FERMT2: variants seen among roughly 807,000 people sequenced by gnomAD.
FERMT2 encodes FERM domain containing kindlin 2.
Under a neutral mutation model 82.7 loss-of-function variants are expected in FERMT2, and 15 were observed. The ratio of observed to expected loss-of-function variants is 0.18; its 90% CI spans 0.12 to 0.28. The LOEUF (loss-of-function observed/expected upper bound fraction) is 0.28. Among genes scored for constraint, FERMT2 ranks in the 10% least tolerant of loss-of-function variants. The pLI is 1.00. For synonymous variants in FERMT2, 274 were observed against 271.5 expected, an observed-to-expected ratio of 1.01 and a Z score of -0.09; for missense variants, 645 against 809.4, an observed-to-expected ratio of 0.80 and a Z score of 2.46.
intron 3 of FERMT2, 36 bp downstream of exon 3, chr14:52,919,087 A>C: frequency 7.9e-6 from 11 of 1,400,202 alleles, no homozygotes; most frequent in Non-Finnish European, 1.1e-5. Flanking sequence ...TACATCACAT[A>C]ACTCGTATTT....
intron 2 of FERMT2, among the ~76,000 whole-genome samples, chr14:52,929,482 C>T (rs1889464553): frequency 6.6e-6 from 1 of 152,154 alleles, no homozygotes; most frequent in Non-Finnish European, 1.5e-5. Context: ...ATCCAAATGC[C>T]GTATCAGGTC....
At chr14:52,859,984 A>G in intron 13 of FERMT2, 1 of 262,582 alleles carries the variant, frequency 3.8e-6, no homozygotes, top group East Asian at 7.7e-5. Context: ...TGCCCCACTA[A>G]TTTTTTGTAT....
At chr14:52,889,719 C>T (rs1886821004) in intron 4 of FERMT2, among the ~76,000 whole-genome samples, 1 of 152,116 alleles carries the variant, frequency 6.6e-6, no homozygotes, top group Non-Finnish European at 1.5e-5. Context: ...TAGTCTATTG[C>T]TCCCAGGCTA....
At chr14:52,880,901 T>C in intron 6 of FERMT2, 135 bp downstream of exon 6, 1 of 563,818 alleles carries the variant, frequency 1.8e-6, no homozygotes, top group East Asian at 3.0e-5. Flanking sequence ...GCCTAAAAGT[T>C]TGGGTTTTTA....
chr14:52,914,835 A>C (rs974762339), intron 3 of FERMT2, among the ~76,000 whole-genome samples: 5 of 152,142 alleles, frequency 3.3e-5, no homozygotes, highest in African/African-American at 1.2e-4. Context: ...CAGAAGAAGT[A>C]CTTGAATCCA....
intron 10 of FERMT2, among the ~76,000 whole-genome samples, chr14:52,867,259 TTC>T (rs1885343858): frequency 6.6e-6 from 1 of 152,088 alleles, no homozygotes; most frequent in Non-Finnish European, 1.5e-5. Context: ...TCTTATTTAC[TTC>T]TCAGTGACTG....
intron 8 of FERMT2, among the ~76,000 whole-genome samples, chr14:52,874,612 C>T (rs999068248): frequency 6.6e-6 from 1 of 152,072 alleles, no homozygotes; most frequent in Non-Finnish European, 1.5e-5. Context: ...ACAATTTTCC[C>T]GAGATCTATT....
rs759376440 is a variant in FERMT2, at chr14:52,858,559, A to C, written c.1870-9T>G. 31 of 1,613,588 alleles carry C rather than the reference A, an allele frequency of 1.9e-5. No individual in the cohort carries two copies. The highest frequency in any genetic ancestry group is 2.5e-5 in the Non-Finnish European group (29 of 1,179,754). ...GCAAACTCTACGGTGACCTGGAACAAAGACAAGAGCCATCAGTGCTGTCCC... is the reference window on the plus strand; with the variant it reads ...GCAAACTCTACGGTGACCTGGAACACAGACAAGAGCCATCAGTGCTGTCCC... On this transcript the variant is annotated splice_polypyrimidine_tract_variant and intron_variant, in intron 14 of 14. Coordinates refer to ENST00000341590, the MANE Select transcript of FERMT2 (RefSeq NM_006832.3).
intron 10 of FERMT2, among the ~76,000 whole-genome samples, chr14:52,872,433 C>T (rs1377392862): frequency 1.3e-5 from 2 of 152,058 alleles, no homozygotes; most frequent in African/African-American, 2.4e-5. Context: ...AGTGGGGAGA[C>T]TGAGGCAAGA....
chr14:52,937,075 T>C (rs748981253), intron 2 of FERMT2, among the ~76,000 whole-genome samples: 13 of 152,164 alleles, frequency 8.5e-5, no homozygotes, highest in East Asian at 1.9e-4. Flanking sequence ...GGCACGAGAA[T>C]TGCTTGAACC....
At chr14:52,905,306 C>A (rs1489821374) in intron 3 of FERMT2, among the ~76,000 whole-genome samples, 1 of 151,704 alleles carries the variant, frequency 6.6e-6, no homozygotes, top group Non-Finnish European at 1.5e-5. Context: ...AAGCCAGAAA[C>A]AGTAAACGAG....
At chr14:52,927,047 T>C (rs1256804270) in intron 2 of FERMT2, among the ~76,000 whole-genome samples, 7 of 152,128 alleles carry the variant, frequency 4.6e-5, no homozygotes, top group Non-Finnish European at 8.8e-5. Context: ...ACATTGCAAA[T>C]TGCTACAACA....
At chr14:52,859,272 T>C in intron 14 of FERMT2, 1 of 248,564 alleles carries the variant, frequency 4.0e-6, no homozygotes, top group Non-Finnish European at 7.7e-6. Context: ...AAGTATCATG[T>C]CTGGCACAGG....
intron 2 of FERMT2, among the ~76,000 whole-genome samples, chr14:52,921,248 T>C (rs1888940798): frequency 6.6e-6 from 1 of 152,200 alleles, no homozygotes; most frequent in Non-Finnish European, 1.5e-5. Flanking sequence ...AAAAAGACTT[T>C]CAATTCTCCA....
intron 2 of FERMT2, among the ~76,000 whole-genome samples, chr14:52,930,690 GTTTCT>G (rs1309092246): frequency 6.6e-6 from 1 of 152,060 alleles, no homozygotes; most frequent in Non-Finnish European, 1.5e-5. Flanking sequence ...TTAGGCCTGG[GTTTCT>G]TTTCTTTACT....
chr14:52,926,637 ATTT>A (rs1160229051), intron 2 of FERMT2, among the ~76,000 whole-genome samples: 2 of 152,020 alleles, frequency 1.3e-5, no homozygotes, highest in African/African-American at 4.8e-5. Flanking sequence ...TATATCTTAT[ATTT>A]TAAATTTTGA....
At chr14:52,886,705 CTA>C (rs1362832211) in intron 4 of FERMT2, among the ~76,000 whole-genome samples, 4 of 152,062 alleles carry the variant, frequency 2.6e-5, no homozygotes, top group Non-Finnish European at 5.9e-5. Context: ...TAAAATAAGA[CTA>C]GATGTGCAAA....
chr14:52,881,026 C>T lies in FERMT2; in HGVS notation c.855+10G>A, dbSNP rs376963199. On this transcript the variant is annotated intron_variant, in intron 6 of 14. Coordinates refer to ENST00000341590, the MANE Select transcript of FERMT2 (RefSeq NM_006832.3). ...GGGAAAAAAAAAAGATCCCTTTAAA[C>T]CCTCGGTACCTTTGGATTCAAATCA... The T allele has an allele frequency of 3.3e-5, 51 of 1,567,756 alleles. No homozygotes were observed. Among genetic ancestry groups the T allele is most frequent in the Middle Eastern group, 3.4e-4 (2 of 5,922 alleles).
At chr14:52,935,079 G>A (rs2139683410) in intron 2 of FERMT2, among the ~76,000 whole-genome samples, 1 of 152,290 alleles carries the variant, frequency 6.6e-6, no homozygotes, top group East Asian at 1.9e-4. Context: ...ATAAAGTATG[G>A]TGGCAACTAA....
Sources: gnomAD v4.1 joint callset for allele counts (sites outside exome capture counted in the v4.1 genomes callset) on GRCh38, gnomAD v4.1.1 for gene constraint, MANE v1.5 for transcripts, NCBI Gene and HGNC (gene_info 2026-07-23, HGNC 2026-07-21) for gene names.